The following PDCD1LG2 variants were observed in gnomAD, a reference collection of about 807,000 sequenced individuals.
PDCD1LG2 encodes B7 dendritic cell molecule.
A neutral mutation model predicts 28.2 loss-of-function variants in PDCD1LG2; 32 were observed. The ratio of observed to expected loss-of-function variants is 1.13; its 90% CI spans 0.86 to 1.52. The LOEUF is 1.52. Among genes scored for constraint, PDCD1LG2 ranks in the 40% most tolerant of loss-of-function variants. PDCD1LG2 has a pLI of 0.00. For missense variants in PDCD1LG2, 385 were observed against 323.8 expected, an observed-to-expected ratio of 1.19 and a Z score of -1.45; for synonymous variants, 116 against 120.2, an observed-to-expected ratio of 0.97 and a Z score of 0.23.
Position 5,570,136 on chromosome 9 carries a change from C to A in PDCD1LG2, c.*177C>A. On this transcript the variant is annotated 3_prime_UTR_variant, in exon 7 of 7. Transcript: ENST00000397747. ...GACTAGCCAACACCTGGCCATGAAACTTGCCCCTTCACTGATCTGGACTCA... is the reference window on the plus strand; with the variant it reads ...GACTAGCCAACACCTGGCCATGAAAATTGCCCCTTCACTGATCTGGACTCA... The A allele has an allele frequency of 1.3e-6, 1 of 791,966 alleles. No homozygotes were observed. The highest frequency in any genetic ancestry group is 2.1e-6 in the Non-Finnish European group (1 of 465,204). 49.1% of individuals were successfully genotyped at this position (791,966 alleles called of 1,614,324 possible). A position where few individuals can be genotyped will look rare whatever the true frequency, so the allele number is the denominator to read the frequency against.
At chr9:5,517,033 C>T (rs537230045) in intron 1 of PDCD1LG2, among the ~76,000 whole-genome samples, 9 of 152,376 alleles carry the variant, frequency 5.9e-5, no homozygotes, top group Admixed American at 6.5e-5. Flanking sequence ...TCCACTGCTG[C>T]AGCTGCTCTA....
chr9:5,549,618 C>A lies in PDCD1LG2; in HGVS notation c.631+14C>A, dbSNP rs760628532. 1 of 1,613,682 alleles carries A rather than the reference C, an allele frequency of 6.2e-7. No homozygotes were observed. The highest frequency in any genetic ancestry group is 2.2e-5 in the East Asian group (1 of 44,876). ...TTGACCTTCAAAGTAAGAGCTGCCC[C>A]CACTTCCTAGGTCTATCAGTTAGGG... On this transcript the variant is annotated intron_variant, in intron 4 of 6. Transcript: ENST00000397747.
rs138221285 is a variant in PDCD1LG2, at chr9:5,570,643, GT to G, written c.*694del. Reference sequence around the variant, plus strand: ...TGTAATGGCACCATGTTTAATGGTGGTTTTTTTTTTGAACTACATCTTTCCT... The same window carrying G: ...TGTAATGGCACCATGTTTAATGGTGGTTTTTTTTTGAACTACATCTTTCCT... On this transcript the variant is annotated 3_prime_UTR_variant, in exon 7 of 7. Coordinates refer to ENST00000397747, the MANE Select transcript of PDCD1LG2 (RefSeq NM_025239.4). 0.011 allele frequency: 2,414 copies of G among 216,484 alleles called. 22 individuals are homozygous for G. Among genetic ancestry groups the G allele is most frequent in the Middle Eastern group, 0.018 (12 of 684 alleles). The allele number at this position is 216,484 out of a possible 1,614,324, so 13.4% of individuals were successfully genotyped here.
chr9:5,561,887 C>A (rs1223850624), intron 5 of PDCD1LG2, among the ~76,000 whole-genome samples: 1 of 152,190 alleles, frequency 6.6e-6, no homozygotes, highest in Non-Finnish European at 1.5e-5. Context: ...AATGGCAGCA[C>A]TAACCTCAGG....
At chr9:5,519,738 T>C (rs67800796) in intron 1 of PDCD1LG2, among the ~76,000 whole-genome samples, 12,768 of 152,208 alleles carry the variant, frequency 0.084, 615 homozygotes, top group East Asian at 0.14. Flanking sequence ...TCAAACCAAA[T>C]CTACAACAAA....
At chr9:5,561,409 C>T (rs1040365739) in intron 5 of PDCD1LG2, among the ~76,000 whole-genome samples, 6 of 152,142 alleles carry the variant, frequency 3.9e-5, no homozygotes, top group Non-Finnish European at 8.8e-5. Context: ...GAAAGTGAGG[C>T]TCAGAAAAGT....
At chr9:5,535,507 T>C (rs1297111419) in intron 3 of PDCD1LG2, among the ~76,000 whole-genome samples, 1 of 152,158 alleles carries the variant, frequency 6.6e-6, no homozygotes, top group Non-Finnish European at 1.5e-5. Flanking sequence ...TTTCCCGCCC[T>C]TTAAAAAATA....
chr9:5,549,450 C>T lies in PDCD1LG2; in HGVS notation c.477C>T (p.Ser159=), dbSNP rs773263367. The T allele has an allele frequency of 8.7e-6, 14 of 1,614,160 alleles. No individual in the cohort carries two copies. The highest frequency in any genetic ancestry group is 1.3e-5 in the African/African-American group (1 of 75,058). The change falls in exon 4 of 7, where the codon AGC becomes AGT. Residue 159 remains serine, a synonymous_variant. Coordinates refer to ENST00000397747, the MANE Select transcript of PDCD1LG2 (RefSeq NM_025239.4). ...PLAEVSWPNV[S]VPANTSHSRT... is the part of the protein sequence containing the mutation. Reference sequence around the variant, plus strand: ...CAGAAGTATCCTGGCCAAACGTCAGCGTTCCTGCCAACACCAGCCACTCCA... The same window carrying T: ...CAGAAGTATCCTGGCCAAACGTCAGTGTTCCTGCCAACACCAGCCACTCCA...
intron 1 of PDCD1LG2, among the ~76,000 whole-genome samples, chr9:5,516,834 G>C (rs1209492111): frequency 6.6e-6 from 1 of 152,236 alleles, no homozygotes; most frequent in Non-Finnish European, 1.5e-5. Context: ...GAAGAGGCCA[G>C]GGAGTGGGAG....
At chr9:5,558,361 A>G (rs1262094493) in intron 5 of PDCD1LG2, among the ~76,000 whole-genome samples, 2 of 152,236 alleles carry the variant, frequency 1.3e-5, no homozygotes, top group East Asian at 1.9e-4. Context: ...CAGCTGGGAC[A>G]GAGCATGCTG....
chr9:5,539,781 G>A (rs1465422442), intron 3 of PDCD1LG2, among the ~76,000 whole-genome samples: 1 of 152,198 alleles, frequency 6.6e-6, no homozygotes, highest in South Asian at 2.1e-4. Flanking sequence ...CATCCTGAAG[G>A]CCTGGGCAGG....
intron 3 of PDCD1LG2, among the ~76,000 whole-genome samples, chr9:5,549,104 C>T (rs1816270602): frequency 6.6e-6 from 1 of 152,030 alleles, no homozygotes; most frequent in Non-Finnish European, 1.5e-5. Flanking sequence ...TAACCGTCCA[C>T]AAGAATTGGG....
chr9:5,513,022 C>A (rs1211373205), intron 1 of PDCD1LG2, among the ~76,000 whole-genome samples: 2 of 152,112 alleles, frequency 1.3e-5, no homozygotes, highest in Non-Finnish European at 1.5e-5. Context: ...ATACAGTGAC[C>A]CCCTAATTGA....
At chr9:5,557,528 G>A (rs971329625) in intron 4 of PDCD1LG2, 90 bp from the exon 5 acceptor site, 51 of 1,441,732 alleles carry the variant, frequency 3.5e-5, no homozygotes, top group African/African-American at 5.6e-5. Context: ...AGAGCTAGCC[G>A]TGTTGGCTGT....
chr9:5,522,617 G>C lies in PDCD1LG2; in HGVS notation c.55+16G>C, dbSNP rs117748452. 4.7e-4 allele frequency: 763 copies of C among 1,611,922 alleles called. 7 individuals carry two copies. In the East Asian group the frequency reaches 0.014, roughly 30 times the overall value. ...CAGATAGCAGGTAAGAAAGGACAAA[G>C]GGAGAGGCTTAAGAAAGAAGAGCAG... is the stretch of plus-strand genomic sequence containing the variant. On this transcript the variant is annotated intron_variant, in intron 2 of 6. Transcript: ENST00000397747.
chr9:5,541,611 G>T (rs1002713595), intron 3 of PDCD1LG2, among the ~76,000 whole-genome samples: 1 of 151,972 alleles, frequency 6.6e-6, no homozygotes, highest in Admixed American at 6.5e-5. Flanking sequence ...TATACCTAAC[G>T]AAGGACATGA....
chr9:5,566,051 C>A (rs996128637), intron 6 of PDCD1LG2, among the ~76,000 whole-genome samples: 24 of 152,204 alleles, frequency 1.6e-4, no homozygotes, highest in Admixed American at 4.6e-4. Context: ...CCATTCTCTG[C>A]CATCCCAGTT....
intron 3 of PDCD1LG2, among the ~76,000 whole-genome samples, chr9:5,547,966 C>G (rs1158496906): frequency 6.8e-6 from 1 of 147,992 alleles, no homozygotes; most frequent in South Asian, 2.1e-4. Flanking sequence ...AAGAATAAAT[C>G]AAACTAGTTA....
At chr9:5,525,012 G>A (rs1297688536) in intron 2 of PDCD1LG2, among the ~76,000 whole-genome samples, 1 of 152,148 alleles carries the variant, frequency 6.6e-6, no homozygotes, top group Non-Finnish European at 1.5e-5. Context: ...GTGATGCTTA[G>A]TACCCTATCA....
Sources: allele counts gnomAD v4.1 joint callset (sites outside exome capture counted in the v4.1 genomes callset), GRCh38; gene constraint gnomAD v4.1.1; transcripts MANE v1.5; gene names NCBI Gene and HGNC (gene_info 2026-07-23, HGNC 2026-07-21).